The following DPY19L3 variants were observed in gnomAD, a reference collection of about 807,000 sequenced individuals.
DPY19L3 encodes protein C-mannosyl-transferase DPY19L3.
Under a neutral mutation model 92.3 loss-of-function variants are expected in DPY19L3, and 51 were observed. That is an observed-to-expected ratio of 0.55 (90% CI 0.44 to 0.70). The LOEUF is 0.70. Among genes scored for constraint, DPY19L3 ranks in the 30% least tolerant of loss-of-function variants. The probability of loss-of-function intolerance (pLI) is 0.00; values close to 1 mark genes in which losing one functional copy is unlikely to be tolerated. For synonymous variants in DPY19L3, 309 were observed against 315.2 expected (o/e 0.98, Z 0.21); for missense variants, 706 against 855.9 (o/e 0.82, Z 2.18).
At chr19:32,423,468 C>A (rs1968649203) in intron 3 of DPY19L3, among the ~76,000 whole-genome samples, 2 of 139,856 alleles carry the variant, frequency 1.4e-5, no homozygotes, top group Admixed American at 7.6e-5. Context: ...CTGTTCGAGA[C>A]ATGCCAGGCT....
chr19:32,407,566 A>G (rs767078393), intron 1 of DPY19L3, among the ~76,000 whole-genome samples: 20 of 152,152 alleles, frequency 1.3e-4, no homozygotes, highest in Non-Finnish European at 2.4e-4. Context: ...TACGTGACGC[A>G]TTGCGTGGTA....
intron 18 of DPY19L3, chr19:32,481,180 A>G (rs1970662523): frequency 6.0e-6 from 1 of 167,664 alleles, no homozygotes; most frequent in African/African-American, 2.4e-5. Flanking sequence ...TAGAGGTGTG[A>G]TGTGTGCTGT....
chr19:32,441,194 G>A (rs117924523), intron 8 of DPY19L3, among the ~76,000 whole-genome samples: 1 of 152,212 alleles, frequency 6.6e-6, no homozygotes, highest in Non-Finnish European at 1.5e-5. Context: ...GTTCATTTTA[G>A]TTGTATTGTA....
intron 3 of DPY19L3, among the ~76,000 whole-genome samples, chr19:32,425,143 A>C (rs920132360): frequency 6.6e-6 from 1 of 152,228 alleles, no homozygotes; most frequent in African/African-American, 2.4e-5. Flanking sequence ...ATGCAAATGA[A>C]TCTTTTATAA....
intron 4 of DPY19L3, among the ~76,000 whole-genome samples, chr19:32,434,165 A>G (rs1969060599): frequency 6.6e-6 from 1 of 152,140 alleles, no homozygotes; most frequent in Non-Finnish European, 1.5e-5. Context: ...AATCAGCATT[A>G]ATAGTACTTT....
intron 8 of DPY19L3, among the ~76,000 whole-genome samples, chr19:32,452,405 A>T (rs1324308680): frequency 6.6e-6 from 1 of 152,220 alleles, no homozygotes; most frequent in African/African-American, 2.4e-5. Flanking sequence ...GCACACACTC[A>T]CACAGACAAA....
intron 3 of DPY19L3, among the ~76,000 whole-genome samples, chr19:32,424,252 C>G (rs901687482): frequency 6.7e-6 from 1 of 150,316 alleles, no homozygotes; most frequent in Non-Finnish European, 1.5e-5. Context: ...CTGGGGAGGT[C>G]AAGGCTGCAG....
intron 3 of DPY19L3, among the ~76,000 whole-genome samples, chr19:32,431,349 G>C (rs1968960125): frequency 6.7e-6 from 1 of 150,230 alleles, no homozygotes; most frequent in South Asian, 2.1e-4. Context: ...TTGCACTCCA[G>C]CCTGGGCAAC....
At chr19:32,481,938 C>T (rs1391958990) in intron 18 of DPY19L3, 141 bp from the exon 19 acceptor site, 21 of 921,608 alleles carry the variant, frequency 2.3e-5, no homozygotes, top group Non-Finnish European at 3.2e-6. Flanking sequence ...TGATGATCTC[C>T]AGGTGCCCAT....
At chr19:32,437,885 G>A (rs1969197210) in intron 6 of DPY19L3, among the ~76,000 whole-genome samples, 1 of 151,856 alleles carries the variant, frequency 6.6e-6, no homozygotes, top group Non-Finnish European at 1.5e-5. Flanking sequence ...TGTTGCCCAG[G>A]CTGGTCTTGA....
intron 17 of DPY19L3, among the ~76,000 whole-genome samples, 196 bp downstream of exon 17, chr19:32,477,850 C>CT (rs887033998): frequency 2.3e-4 from 35 of 152,174 alleles, no homozygotes; most frequent in Non-Finnish European, 5.0e-4. Flanking sequence ...GTTTAATTGA[C>CT]TTACAGTTCC....
At chr19:32,434,279 G>A (rs187975960) in intron 4 of DPY19L3, among the ~76,000 whole-genome samples, 4 of 152,020 alleles carry the variant, frequency 2.6e-5, no homozygotes, top group South Asian at 2.1e-4. Context: ...TCCTTGTCTC[G>A]GCTCTCACAC....
rs1222742041 is a variant in DPY19L3, at chr19:32,482,910, G to C, written c.*670G>C. On this transcript the variant is annotated 3_prime_UTR_variant, in exon 19 of 19. Transcript: ENST00000392250. Reference sequence around the variant, plus strand: ...TGTGCACACATGTGTTTTAATGCTGGGCACAGAAAAGTGTTACAAGTTCCA... The same window carrying C: ...TGTGCACACATGTGTTTTAATGCTGCGCACAGAAAAGTGTTACAAGTTCCA... The C allele has an allele frequency of 6.6e-6, 1 of 152,146 alleles. No homozygotes were observed. The highest frequency in any genetic ancestry group is 1.5e-5 in the Non-Finnish European group (1 of 68,036). 9.4% of individuals were successfully genotyped at this position (152,146 alleles called of 1,614,324 possible). A position where few individuals can be genotyped will look rare whatever the true frequency, so the allele number is the denominator to read the frequency against.
intron 17 of DPY19L3, chr19:32,479,460 C>G (rs951793487): frequency 2.1e-5 from 6 of 283,364 alleles, no homozygotes; most frequent in South Asian, 5.6e-5. Context: ...TTCATCAGGA[C>G]CCTGGAACCC....
intron 17 of DPY19L3, among the ~76,000 whole-genome samples, chr19:32,479,314 G>A (rs532066798): frequency 7.9e-5 from 12 of 152,160 alleles, no homozygotes; most frequent in Middle Eastern, 3.4e-3. Flanking sequence ...AGGTTCATCA[G>A]GGGTGGCCTC....
intron 18 of DPY19L3, 37 bp downstream of exon 18, chr19:32,480,594 G>T (rs1303310773): frequency 6.3e-7 from 1 of 1,590,600 alleles, no homozygotes; most frequent in African/African-American, 1.3e-5. Context: ...GGGGTCTCCT[G>T]GAGGGGCGGG....
chr19:32,455,134 C>A, intron 10 of DPY19L3, 94 bp downstream of exon 10: 2 of 893,682 alleles, frequency 2.2e-6, no homozygotes, highest in Non-Finnish European at 3.3e-6. Flanking sequence ...TTTTAATAAA[C>A]TAATTGTTTT....
At chr19:32,423,524 C>T (rs560381218) in intron 3 of DPY19L3, among the ~76,000 whole-genome samples, 1 of 151,546 alleles carries the variant, frequency 6.6e-6, no homozygotes, top group African/African-American at 2.4e-5. Flanking sequence ...TTCTGCCTCC[C>T]AAAGTTAGGA....
chr19:32,475,781 G>T (rs1970488477), intron 16 of DPY19L3, among the ~76,000 whole-genome samples: 1 of 152,212 alleles, frequency 6.6e-6, no homozygotes, highest in South Asian at 2.1e-4. Flanking sequence ...GAGAGTCCCT[G>T]TAAATTGTTG....
Sources: gnomAD v4.1 joint callset for allele counts (sites outside exome capture counted in the v4.1 genomes callset) on GRCh38, gnomAD v4.1.1 for gene constraint, MANE v1.5 for transcripts, NCBI Gene and HGNC (gene_info 2026-07-23, HGNC 2026-07-21) for gene names.